Variants in OR51E2 observed in about 807,000 individuals in gnomAD.
OR51E2 encodes the protein olfactory receptor family 51 subfamily E member 2.
In OR51E2, 14 loss-of-function variants were observed where a neutral mutation model predicts 13.7. The ratio of observed to expected loss-of-function variants is 1.02; its 90% CI spans 0.68 to 1.60. OR51E2 has a LOEUF of 1.60. Among genes scored for constraint, OR51E2 ranks in the 40% most tolerant of loss-of-function variants. The pLI is 0.00. For missense variants in OR51E2, 483 were observed against 413.8 expected (o/e 1.17, Z -1.45); for synonymous variants, 180 against 157.6 (o/e 1.14, Z -1.07).
chr11:4,690,592 A>G (rs2133250027), intron 1 of OR51E2: 1 of 259,224 alleles, frequency 3.9e-6, no homozygotes, highest in African/African-American at 2.3e-5. Flanking sequence ...AAAATAAAGT[A>G]GTCAAACTAG....
In OR51E2 at chr11:4,681,534, T is replaced by G; in HGVS notation, c.*215A>C. The G allele has an allele frequency of 1.8e-6, 1 of 558,450 alleles. No individual in the cohort carries two copies. The highest frequency in any genetic ancestry group is 3.1e-6 in the Non-Finnish European group (1 of 318,506). The allele number at this position is 558,450 out of a possible 1,614,324, so 34.6% of individuals were successfully genotyped here. A position where few individuals can be genotyped will look rare whatever the true frequency, so the allele number is the denominator to read the frequency against. On this transcript the variant is annotated 3_prime_UTR_variant, in exon 2 of 2. Coordinates refer to ENST00000396950, the MANE Select transcript of OR51E2 (RefSeq NM_030774.4). ...ATTGTTTTTCTTAATGTTATAAGCA[T>G]GTTTGGTTTTATTGTAGTCTTTAAA...
chr11:4,692,906 A>G (rs996315738), intron 1 of OR51E2, among the ~76,000 whole-genome samples: 1 of 152,170 alleles, frequency 6.6e-6, no homozygotes, highest in African/African-American at 2.4e-5. Context: ...AGAAAACTAG[A>G]TGAAAAACAA....
At chr11:4,691,294 T>A in intron 1 of OR51E2, 1 of 457,246 alleles carries the variant, frequency 2.2e-6, no homozygotes, top group Admixed American at 2.3e-5. Context: ...TCAGTTAAAA[T>A]CATGGCATAC....
intron 1 of OR51E2, chr11:4,685,859 A>G (rs1022480933): frequency 6.6e-6 from 1 of 152,176 alleles, no homozygotes; most frequent in African/African-American, 2.4e-5. Context: ...CGTGTCCCCT[A>G]CGTCATACCC....
At chr11:4,689,477 T>C (rs1405631960) in intron 1 of OR51E2, among the ~76,000 whole-genome samples, 3 of 152,138 alleles carry the variant, frequency 2.0e-5, no homozygotes, top group Non-Finnish European at 2.9e-5. Flanking sequence ...GAGATCTCCA[T>C]AAAGCGAGGG....
chr11:4,684,481 T>C (rs1275624231), intron 1 of OR51E2, among the ~76,000 whole-genome samples: 1 of 152,110 alleles, frequency 6.6e-6, no homozygotes, highest in Non-Finnish European at 1.5e-5. Context: ...GTCAGATCAC[T>C]AGACCACTGT....
At position 4,682,176 on chromosome 11, in the gene OR51E2, A is replaced by G; in HGVS notation, c.536T>C (p.Val179Ala). The G allele has an allele frequency of 6.2e-7, 1 of 1,614,230 alleles. No individual in the cohort carries two copies. Residue 179 changes from valine to alanine, a missense_variant, in exon 2 of 2, where the codon GTC becomes GCC. Physicochemically the swap from Val to Ala is moderately conservative, Grantham distance 64. Coordinates refer to ENST00000396950, the MANE Select transcript of OR51E2 (RefSeq NM_030774.4). ...HSNVLSHSYC[V>A]HQDVMKLAYA... ...GGCCAACTTCATTACATCCTGGTGG[A>G]CACAATAGGAGTGCGAGAGGACATT...
intron 1 of OR51E2, chr11:4,691,366 C>T (rs1847576974): frequency 2.2e-6 from 1 of 457,872 alleles, no homozygotes; most frequent in South Asian, 1.5e-5. Flanking sequence ...ACTGAGGATT[C>T]CATGACAGTG....
At chr11:4,689,508 T>C (rs912917954) in intron 1 of OR51E2, among the ~76,000 whole-genome samples, 67 of 152,286 alleles carry the variant, frequency 4.4e-4, no homozygotes, top group African/African-American at 1.5e-3. Context: ...TAGATACGAA[T>C]GATTACTTCT....
intron 1 of OR51E2, among the ~76,000 whole-genome samples, chr11:4,696,150 A>G (rs775753474): frequency 2.0e-5 from 3 of 152,180 alleles, no homozygotes; most frequent in Non-Finnish European, 4.4e-5. Flanking sequence ...TCCTTGCTGC[A>G]TGTGGTGAAT....
At chr11:4,691,354 G>A (rs1298747335) in intron 1 of OR51E2, 4 of 457,762 alleles carry the variant, frequency 8.7e-6, no homozygotes, top group Middle Eastern at 3.2e-4. Context: ...ATGGCCAACA[G>A]CACTGAGGAT....
At position 4,681,650 on chromosome 11, in the gene OR51E2, A is replaced by G; in HGVS notation, c.*99T>C. 7.3e-7 allele frequency: 1 copy of G among 1,369,738 alleles called. No homozygotes were observed. Among genetic ancestry groups the G allele is most frequent in the Non-Finnish European group, 1.0e-6 (1 of 982,116 alleles). The allele number at this position is 1,369,738 out of a possible 1,614,324, so 84.8% of individuals were successfully genotyped here. A position where few individuals can be genotyped will look rare whatever the true frequency, so the allele number is the denominator to read the frequency against. On this transcript the variant is annotated 3_prime_UTR_variant, in exon 2 of 2. Transcript: ENST00000396950. ...TTAGTTTACTATTCCAGCCAGAGAA[A>G]AGTACTGATGTGCTTATGGGCAACT...
intron 1 of OR51E2, among the ~76,000 whole-genome samples, chr11:4,684,381 C>T (rs1263496389): frequency 1.3e-5 from 2 of 152,040 alleles, no homozygotes; most frequent in African/African-American, 2.4e-5. Context: ...ATTTCTGTAT[C>T]CGTCATAGCT....
At chr11:4,692,228 C>T in intron 1 of OR51E2, 1 of 430,364 alleles carries the variant, frequency 2.3e-6, no homozygotes, top group Non-Finnish European at 4.6e-6. Flanking sequence ...AGAAAGAGAT[C>T]ATTATAATAC....
Position 4,681,366 on chromosome 11 carries a change from T to C in OR51E2, c.*383A>G. The C allele has an allele frequency of 5.2e-6, 1 of 191,758 alleles. No homozygotes were observed. The highest frequency in any genetic ancestry group is 1.1e-5 in the Non-Finnish European group (1 of 92,994). 11.9% of individuals were successfully genotyped at this position (191,758 alleles called of 1,614,324 possible). ...ACCCCATCTCAAAAAAAAAAAAAGT[T>C]GTATGTGACAGCTAACCATAATAAA... On this transcript the variant is annotated 3_prime_UTR_variant, in exon 2 of 2. Transcript: ENST00000396950.
intron 1 of OR51E2, among the ~76,000 whole-genome samples, chr11:4,694,990 GA>G (rs1397440518): frequency 1.3e-5 from 2 of 152,142 alleles, no homozygotes; most frequent in Non-Finnish European, 2.9e-5. Context: ...GGAGAGACAT[GA>G]ATGAAAGAAT....
intron 1 of OR51E2, among the ~76,000 whole-genome samples, chr11:4,694,692 A>G (rs1440676184): frequency 1.3e-5 from 2 of 152,206 alleles, no homozygotes; most frequent in Non-Finnish European, 2.9e-5. Flanking sequence ...TACATGCCAG[A>G]CAGCGTCTAT....
rs188858447 is a variant in OR51E2, at chr11:4,683,222, G to A, written c.-50-461C>T. Among the ~76,000 whole-genome samples the A allele has an allele frequency of 2.5e-3, 382 of 152,204 alleles. 4 individuals carry two copies. The highest frequency in any genetic ancestry group is 8.6e-3 in the African/African-American group (356 of 41,510). On this transcript the variant is annotated intron_variant, in intron 1 of 1. Coordinates refer to ENST00000396950, the MANE Select transcript of OR51E2 (RefSeq NM_030774.4). The stretch of plus-strand genomic sequence containing the variant: ...CATTTAATTCATGAGAAAGGGAGAG[G>A]CATGATCACAGAGGAATCTTCCTGT...
rs148734855 is a variant in OR51E2 at position 4,682,174 on chromosome 11, G to A, written c.538C>T (p.His180Tyr). 6.8e-6 allele frequency: 11 copies of A among 1,614,100 alleles called. No individual in the cohort carries two copies. The highest frequency in any genetic ancestry group is 7.6e-6 in the Non-Finnish European group (9 of 1,180,050). ...SNVLSHSYCV[H>Y]QDVMKLAYAD... is the part of the protein sequence containing the mutation. ...TAGGCCAACTTCATTACATCCTGGT[G>A]GACACAATAGGAGTGCGAGAGGACA... The change falls in exon 2 of 2, where the codon CAC becomes TAC. Residue 180 changes from histidine (H) to tyrosine (Y), a missense_variant. Coordinates refer to ENST00000396950, the MANE Select transcript of OR51E2 (RefSeq NM_030774.4).
Sources: gnomAD v4.1 joint callset for allele counts (sites outside exome capture counted in the v4.1 genomes callset) on GRCh38, gnomAD v4.1.1 for gene constraint, MANE v1.5 for transcripts, NCBI Gene and HGNC (gene_info 2026-07-23, HGNC 2026-07-21) for gene names.